EHF: variants seen among roughly 807,000 people sequenced by gnomAD.
EHF encodes ESE3 transcription factor.
A neutral mutation model predicts 45.1 loss-of-function variants in EHF; 14 were observed. That is an observed-to-expected ratio of 0.31 (90% CI 0.21 to 0.49). The LOEUF is 0.49. Among genes scored for constraint, EHF ranks in the 20% least tolerant of loss-of-function variants. EHF has a pLI of 0.99. For synonymous variants in EHF, 136 were observed against 131.8 expected (o/e 1.03, Z -0.22); for missense variants, 282 against 371.4 (o/e 0.76, Z 1.98).
At chr11:34,635,535 T>C (rs576108316) in intron 1 of EHF, among the ~76,000 whole-genome samples, 1 of 140,472 alleles carries the variant, frequency 7.1e-6, no homozygotes, top group African/African-American at 2.6e-5. Context: ...CACTGCAACC[T>C]CTACCTCCCG....
chr11:34,655,341 T>C (rs910965639), intron 6 of EHF, among the ~76,000 whole-genome samples: 2 of 152,148 alleles, frequency 1.3e-5, no homozygotes, highest in African/African-American at 4.8e-5. Flanking sequence ...CCCATGAACG[T>C]TGGGAAATAT....
chr11:34,625,247 C>A (rs1852270207), intron 1 of EHF, among the ~76,000 whole-genome samples: 1 of 152,174 alleles, frequency 6.6e-6, no homozygotes, highest in African/African-American at 2.4e-5. Context: ...ACTCCCATGA[C>A]AACATCCCAG....
intron 4 of EHF, among the ~76,000 whole-genome samples, chr11:34,649,464 C>G (rs1399824580): frequency 6.6e-6 from 1 of 152,146 alleles, no homozygotes; most frequent in African/African-American, 2.4e-5. Flanking sequence ...CCTCTTCTCT[C>G]CCTCCTCCCT....
intron 2 of EHF, among the ~76,000 whole-genome samples, chr11:34,645,206 C>T (rs1486251414): frequency 6.6e-6 from 1 of 152,106 alleles, no homozygotes; most frequent in Non-Finnish European, 1.5e-5. Flanking sequence ...GAACTTCGGG[C>T]AGACTATGGA....
chr11:34,650,509 T>A (rs569997926), intron 4 of EHF, among the ~76,000 whole-genome samples: 1 of 152,316 alleles, frequency 6.6e-6, no homozygotes, highest in Non-Finnish European at 1.5e-5. Flanking sequence ...AGGTTTTGTA[T>A]CATTTGTGCT....
chr11:34,645,606 G>A (rs1490718296), intron 2 of EHF, among the ~76,000 whole-genome samples: 1 of 152,196 alleles, frequency 6.6e-6, no homozygotes, highest in East Asian at 1.9e-4. Flanking sequence ...TCTCCTGGAG[G>A]GTAAGAGGAC....
chr11:34,638,720 G>A (rs1469464452), intron 1 of EHF, among the ~76,000 whole-genome samples: 1 of 152,150 alleles, frequency 6.6e-6, no homozygotes, highest in Admixed American at 6.5e-5. Flanking sequence ...TGGTGGAGAG[G>A]TTGAGAAACT....
At chr11:34,629,600 G>A (rs1406987142) in intron 1 of EHF, among the ~76,000 whole-genome samples, 1 of 152,194 alleles carries the variant, frequency 6.6e-6, no homozygotes, top group African/African-American at 2.4e-5. Flanking sequence ...TGGTGTTTTA[G>A]GGCTAAGTTT....
intron 1 of EHF, among the ~76,000 whole-genome samples, chr11:34,633,820 C>T (rs1477909763): frequency 1.3e-5 from 2 of 152,030 alleles, no homozygotes; most frequent in African/African-American, 4.8e-5. Flanking sequence ...AACTTGAGTG[C>T]CTGCCACTGT....
chr11:34,658,354 T>A (rs948410551), intron 7 of EHF, among the ~76,000 whole-genome samples, 179 bp from the exon 8 acceptor site: 1 of 152,144 alleles, frequency 6.6e-6, no homozygotes, highest in Non-Finnish European at 1.5e-5. Context: ...TTGTGCTAGT[T>A]TATTCTTAAA....
chr11:34,648,346 A>AATATATATAT (rs34971776), intron 3 of EHF, among the ~76,000 whole-genome samples: 2 of 147,700 alleles, frequency 1.4e-5, no homozygotes, highest in African/African-American at 4.9e-5. Context: ...TGCATTTACA[A>AATATATATAT]ATATATATAT....
chr11:34,628,776 A>G (rs1306647865), intron 1 of EHF, among the ~76,000 whole-genome samples: 10 of 152,184 alleles, frequency 6.6e-5, no homozygotes, highest in Non-Finnish European at 1.0e-4. Flanking sequence ...CACCCACGGT[A>G]ATGAAACATG....
intron 1 of EHF, among the ~76,000 whole-genome samples, chr11:34,634,894 A>C (rs1320496227): frequency 2.0e-5 from 3 of 152,164 alleles, no homozygotes; most frequent in East Asian, 1.9e-4. Context: ...TCTTCTCAGC[A>C]GAGAGTGGCC....
At chr11:34,656,795 T>A in intron 6 of EHF, 113 bp from the exon 7 acceptor site, 1 of 1,177,226 alleles carries the variant, frequency 8.5e-7, no homozygotes, top group East Asian at 2.6e-5. Flanking sequence ...TACTCAAAGG[T>A]GCCAGGCATG....
chr11:34,649,582 G>A (rs1187081567), intron 4 of EHF, among the ~76,000 whole-genome samples: 2 of 152,176 alleles, frequency 1.3e-5, no homozygotes, highest in Admixed American at 1.3e-4. Context: ...AAAGGTACCT[G>A]CAACCCAGCT....
intron 1 of EHF, among the ~76,000 whole-genome samples, chr11:34,638,930 T>C (rs1017005782): frequency 2.0e-5 from 3 of 152,188 alleles, no homozygotes; most frequent in Non-Finnish European, 2.9e-5. Context: ...AGGAACACCT[T>C]GAGAATTAAT....
At position 34,637,924 on chromosome 11, in the gene EHF, C is replaced by T. The variant is rs576265216; in HGVS notation, c.-3-4704C>T. ...CTTTTTTTTTTTTTCCTTTTTGAGT[C>T]AGAGTCTCGCTCTGTTGCCCAGGCT... On this transcript the variant is annotated intron_variant, in intron 1 of 8. Coordinates refer to ENST00000257831, the MANE Select transcript of EHF (RefSeq NM_012153.6). 9.0e-5 allele frequency among the ~76,000 whole-genome samples: 13 copies of T among 145,162 alleles called. 1 individual carries two copies. The East Asian group carries it at 2.6e-3, about 29-fold the overall frequency.
chr11:34,628,840 C>T lies in EHF; in HGVS notation c.-4+7612C>T, dbSNP rs191261158. 2.6e-3 allele frequency among the ~76,000 whole-genome samples: 401 copies of T among 152,234 alleles called. 1 individual carries two copies. Among genetic ancestry groups the T allele is most frequent in the African/African-American group, 8.7e-3 (360 of 41,562 alleles). On this transcript the variant is annotated intron_variant, in intron 1 of 8. Coordinates refer to ENST00000257831, the MANE Select transcript of EHF (RefSeq NM_012153.6). ...GACCCTTTGGAGATGGCTGATGTCA[C>T]GAGTGTGCAACCTGTGCAGTTCCAC...
chr11:34,632,636 C>G (rs1473500890), intron 1 of EHF: 6 of 1,535,504 alleles, frequency 3.9e-6, no homozygotes, highest in African/African-American at 1.4e-5. Flanking sequence ...TTAAGCCTAG[C>G]TGAAATTCTT....
Sources: allele counts gnomAD v4.1 joint callset (sites outside exome capture counted in the v4.1 genomes callset), GRCh38; gene constraint gnomAD v4.1.1; transcripts MANE v1.5; gene names NCBI Gene and HGNC (gene_info 2026-07-23, HGNC 2026-07-21).